The following QKI variants were observed in gnomAD, a reference collection of about 807,000 sequenced individuals.
QKI encodes the protein KH domain-containing RNA-binding protein QKI.
A neutral mutation model predicts 39.0 loss-of-function variants in QKI; 10 were observed. The ratio of observed to expected loss-of-function variants is 0.26; its 90% CI spans 0.16 to 0.43. QKI has a LOEUF of 0.43. QKI is among the 20% of genes least tolerant of loss of function. The probability of loss-of-function intolerance (pLI) is 1.00; values close to 1 mark genes in which losing one functional copy is unlikely to be tolerated. For missense variants in QKI, 218 were observed against 428.0 expected (o/e 0.51, Z 4.33); for synonymous variants, 204 against 155.4 (o/e 1.31, Z -2.33).
At chr6:163,443,829 T>G (rs1473991345) in intron 1 of QKI, among the ~76,000 whole-genome samples, 1 of 152,192 alleles carries the variant, frequency 6.6e-6, no homozygotes, top group Non-Finnish European at 1.5e-5. Context: ...ATCAAATAAA[T>G]TATTACCTAG....
intron 1 of QKI, among the ~76,000 whole-genome samples, chr6:163,433,453 G>T (rs569554828): frequency 4.7e-4 from 71 of 152,194 alleles, no homozygotes; most frequent in Admixed American, 2.7e-3. Context: ...GTATAAATAT[G>T]AACCAGAAAA....
chr6:163,481,239 G>GTATA (rs933633215), intron 3 of QKI, among the ~76,000 whole-genome samples: 22 of 151,450 alleles, frequency 1.5e-4, no homozygotes, highest in African/African-American at 4.8e-4. Context: ...AGACATGTGT[G>GTATA]TATATATATA....
intron 7 of QKI, chr6:163,570,392 A>G: frequency 1.0e-6 from 1 of 980,612 alleles, no homozygotes; most frequent in Non-Finnish European, 1.2e-6. Flanking sequence ...ATTGACTGCT[A>G]CTAACTATTA....
intron 1 of QKI, 179 bp from the exon 2 acceptor site, chr6:163,455,100 A>G: frequency 2.4e-6 from 1 of 420,412 alleles, no homozygotes; most frequent in Non-Finnish European, 4.1e-6. Context: ...GAAATTAATT[A>G]AGGCTATAGT....
At chr6:163,446,008 T>C (rs1790126904) in intron 1 of QKI, among the ~76,000 whole-genome samples, 2 of 152,220 alleles carry the variant, frequency 1.3e-5, no homozygotes, top group Non-Finnish European at 1.5e-5. Context: ...TTTCTCCTTT[T>C]TTCCTTAGTA....
intron 3 of QKI, among the ~76,000 whole-genome samples, chr6:163,509,158 AG>A (rs1779284493): frequency 1.3e-5 from 2 of 152,224 alleles, no homozygotes; most frequent in African/African-American, 4.8e-5. Context: ...TCAATCAGTC[AG>A]TCAATCAATC....
chr6:163,438,388 G>A (rs1345229054), intron 1 of QKI, among the ~76,000 whole-genome samples: 1 of 152,136 alleles, frequency 6.6e-6, no homozygotes, highest in East Asian at 1.9e-4. Context: ...ATAAAGTCAT[G>A]CATTGCTTAA....
intron 3 of QKI, among the ~76,000 whole-genome samples, chr6:163,513,390 CAAAAA>C (rs1554270697): frequency 1.3e-5 from 2 of 151,998 alleles, no homozygotes; most frequent in African/African-American, 4.8e-5. Context: ...ATACACAAAA[CAAAAA>C]AGCAGATTAA....
rs182953031 is a variant in QKI, at chr6:163,514,571, G to T, written c.403-20411G>T. On this transcript the variant is annotated intron_variant, in intron 3 of 7. Coordinates refer to ENST00000361752, the MANE Select transcript of QKI (RefSeq NM_006775.3). The stretch of plus-strand genomic sequence containing the variant: ...TTTAATTCTTATCAGTTTCATAATT[G>T]TCTGTATGACTGAGGGATAAGCAGG... Among the ~76,000 whole-genome samples, 8 of 152,240 alleles carry T rather than the reference G, an allele frequency of 5.3e-5. No homozygotes were observed. In the East Asian group the frequency reaches 1.4e-3, roughly 26 times the overall value.
intron 1 of QKI, among the ~76,000 whole-genome samples, chr6:163,437,438 G>C: frequency 6.6e-6 from 1 of 152,140 alleles, no homozygotes; most frequent in South Asian, 2.1e-4. Flanking sequence ...AGTTCCCATA[G>C]ATACTGGTGG....
chr6:163,509,469 A>G (rs959123483), intron 3 of QKI, among the ~76,000 whole-genome samples: 2 of 56,616 alleles, frequency 3.5e-5, no homozygotes, highest in Non-Finnish European at 6.0e-5. Context: ...ACATATGACC[A>G]TTTAATAAAG....
intron 2 of QKI, among the ~76,000 whole-genome samples, chr6:163,470,277 T>G (rs1057215882): frequency 3.9e-5 from 6 of 152,030 alleles, no homozygotes; most frequent in Non-Finnish European, 7.4e-5. Flanking sequence ...AGTCTTCGCT[T>G]GGGGGTAGGG....
At chr6:163,462,951 G>A (rs922478910) in intron 2 of QKI, among the ~76,000 whole-genome samples, 16 of 152,150 alleles carry the variant, frequency 1.1e-4, no homozygotes, top group Non-Finnish European at 1.8e-4. Context: ...GAATAAAGAT[G>A]TATGTGATGA....
intron 3 of QKI, among the ~76,000 whole-genome samples, chr6:163,486,487 G>A (rs1373107627): frequency 6.6e-6 from 1 of 152,142 alleles, no homozygotes; most frequent in African/African-American, 2.4e-5. Context: ...ACTTGTTTAG[G>A]TAGAGCATTT....
chr6:163,423,147 G>C (rs1049383917), intron 1 of QKI: 5 of 152,136 alleles, frequency 3.3e-5, no homozygotes, highest in African/African-American at 1.2e-4. Flanking sequence ...AATTAGCCGG[G>C]CATGGTAGAG....
chr6:163,562,157 T>A, intron 5 of QKI, 88 bp downstream of exon 5: 2 of 828,762 alleles, frequency 2.4e-6, no homozygotes, highest in South Asian at 4.1e-5. Flanking sequence ...CAATAATAGT[T>A]CATACAAAGT....
In QKI at chr6:163,574,241, T is replaced by C. The variant is rs1783854945; in HGVS notation, c.*3531T>C. 6.6e-6 allele frequency: 1 copy of C among 152,256 alleles called. No homozygotes were observed. Among genetic ancestry groups the C allele is most frequent in the Non-Finnish European group, 1.5e-5 (1 of 68,046 alleles). The allele number at this position is 152,256 out of a possible 1,614,324, so 9.4% of individuals were successfully genotyped here. On this transcript the variant is annotated 3_prime_UTR_variant, in exon 8 of 8. Coordinates refer to ENST00000361752, the MANE Select transcript of QKI (RefSeq NM_006775.3). ...TGATTCTTTGTTGAACCATTTCTTT[T>C]AATTTCTGTAAATAAGTAATTTTAT...
chr6:163,498,493 A>G (rs1778547068), intron 3 of QKI, among the ~76,000 whole-genome samples: 1 of 152,154 alleles, frequency 6.6e-6, no homozygotes, highest in Admixed American at 6.6e-5. Context: ...CATGTGTAGC[A>G]TGTTACCATA....
At chr6:163,420,482 A>T (rs997440081) in intron 1 of QKI, among the ~76,000 whole-genome samples, 1 of 152,156 alleles carries the variant, frequency 6.6e-6, no homozygotes, top group African/African-American at 2.4e-5. Context: ...TTATGAACAT[A>T]TCCAAGGTTC....
Sources: allele counts gnomAD v4.1 joint callset (sites outside exome capture counted in the v4.1 genomes callset), GRCh38; gene constraint gnomAD v4.1.1; transcripts MANE v1.5; gene names NCBI Gene and HGNC (gene_info 2026-07-23, HGNC 2026-07-21).